ITGB3: variants seen among roughly 807,000 people sequenced by gnomAD.
ITGB3 encodes integrin subunit beta 3.
In ITGB3, 48 loss-of-function variants were observed where a neutral mutation model predicts 85.8. The observed-to-expected ratio is 0.56, with a 90% CI of 0.44 to 0.71. ITGB3 has a LOEUF of 0.71. Among genes scored for constraint, ITGB3 ranks in the 30% least tolerant of loss-of-function variants. The pLI, the probability that ITGB3 is intolerant of heterozygous loss-of-function variation, is 0.00. For missense variants in ITGB3, 861 were observed against 1,019.1 expected (o/e 0.84, Z 2.11); for synonymous variants, 363 against 395.6 (o/e 0.92, Z 0.98).
At chr17:47,256,915 G>T (rs111547093) in intron 1 of ITGB3, among the ~76,000 whole-genome samples, 4 of 152,146 alleles carry the variant, frequency 2.6e-5, no homozygotes, top group African/African-American at 9.7e-5. Context: ...CAGCAGGAAG[G>T]CTTGTTGGCT....
intron 1 of ITGB3, among the ~76,000 whole-genome samples, chr17:47,268,517 G>C (rs995467597): frequency 6.6e-6 from 1 of 152,148 alleles, no homozygotes; most frequent in African/African-American, 2.4e-5. Flanking sequence ...CAGGCTACTG[G>C]CCCCACGCAA....
At chr17:47,292,684 A>C (rs981257248) in intron 10 of ITGB3, 116 bp downstream of exon 10, 41 of 1,045,426 alleles carry the variant, frequency 3.9e-5, no homozygotes, top group South Asian at 2.8e-5. Flanking sequence ...GGTGTAAGTC[A>C]GTGGTTCCTA....
intron 4 of ITGB3, 85 bp downstream of exon 4, chr17:47,284,780 A>G (rs2065096897): frequency 1.3e-6 from 2 of 1,567,042 alleles, no homozygotes; most frequent in Non-Finnish European, 1.8e-6. Context: ...CTCTAGGATC[A>G]CTTTGTTGGC....
At chr17:47,284,725 C>A in intron 4 of ITGB3, 30 bp downstream of exon 4, 2 of 1,614,030 alleles carry the variant, frequency 1.2e-6, no homozygotes, top group Non-Finnish European at 1.7e-6. Flanking sequence ...GCCAGGACAG[C>A]ATCCTTTGCC....
chr17:47,272,275 T>C (rs1163502740), intron 1 of ITGB3, among the ~76,000 whole-genome samples: 2 of 151,186 alleles, frequency 1.3e-5, no homozygotes, highest in African/African-American at 4.9e-5. Context: ...AGGATAGTCT[T>C]GATCTCCTGA....
At chr17:47,286,830 A>C (rs2065104366) in intron 5 of ITGB3, among the ~76,000 whole-genome samples, 1 of 152,246 alleles carries the variant, frequency 6.6e-6, no homozygotes, top group South Asian at 2.1e-4. Context: ...GAGTTTAAGA[A>C]GATCTCATTC....
At chr17:47,277,626 T>A (rs887508063) in intron 2 of ITGB3, among the ~76,000 whole-genome samples, 1 of 152,190 alleles carries the variant, frequency 6.6e-6, no homozygotes, top group Non-Finnish European at 1.5e-5. Flanking sequence ...CCACTTAAAT[T>A]TGAATTAAAA....
Position 47,290,215 on chromosome 17 carries a change from G to A in ITGB3, c.1066G>A (p.Val356Ile), listed in dbSNP as rs1340187209. Reference sequence around the variant, plus strand: ...TAGTGAGCTCATCCCAGGGACCACAGTTGGGGTTCTGTCCATGGATTCCAG... The same window carrying A: ...TAGTGAGCTCATCCCAGGGACCACAATTGGGGTTCTGTCCATGGATTCCAG... ...NYSELIPGTT[V>I]GVLSMDSSNV... Residue 356 changes from valine to isoleucine, a missense_variant, in exon 8 of 15, where the codon GTT becomes ATT. Transcript: ENST00000559488. The A allele has an allele frequency of 1.2e-6, 2 of 1,614,004 alleles. No homozygotes were observed. Among genetic ancestry groups the A allele is most frequent in the African/African-American group, 2.7e-5 (2 of 74,926 alleles).
chr17:47,297,872 ACT>A (rs1833448710), intron 10 of ITGB3, among the ~76,000 whole-genome samples: 1 of 111,770 alleles, frequency 8.9e-6, no homozygotes, highest in African/African-American at 3.6e-5. Flanking sequence ...ATAGGGTGAG[ACT>A]CTGTCTCAAA....
At position 47,307,560 on chromosome 17, in the gene ITGB3, A is replaced by T; in HGVS notation, c.2224A>T (p.Lys742Ter). The change falls in exon 14 of 15, where the codon AAA becomes TAA. Residue 742 changes from lysine to a stop codon, truncating the protein, a stop_gained. Coordinates refer to ENST00000559488, the MANE Select transcript of ITGB3 (RefSeq NM_000212.3). LOFTEE classifies it high-confidence loss of function. The part of the protein sequence containing the change: ...LIGLAALLIW[K>*]LLITIHDRKE... The stretch of plus-strand genomic sequence containing the variant: ...TGGCCTTGCCGCCCTGCTCATCTGG[A>T]AACTCCTCATCACCATCCACGACCG... 1 of 1,614,162 alleles carries T rather than the reference A, an allele frequency of 6.2e-7. No homozygotes were observed. Among genetic ancestry groups the T allele is most frequent in the Non-Finnish European group, 8.5e-7 (1 of 1,180,030 alleles).
intron 5 of ITGB3, among the ~76,000 whole-genome samples, chr17:47,286,677 C>A (rs760054175): frequency 1.7e-4 from 26 of 152,216 alleles, no homozygotes; most frequent in Non-Finnish European, 3.7e-4. Flanking sequence ...TTCAGAGTTA[C>A]TTCAGAGTTA....
intron 1 of ITGB3, among the ~76,000 whole-genome samples, chr17:47,272,121 T>C (rs1423780935): frequency 2.8e-5 from 4 of 145,404 alleles, no homozygotes; most frequent in African/African-American, 1.0e-4. Context: ...AGTGACACTA[T>C]CTTGGCTCAC....
At chr17:47,306,044 T>C (rs1348820874) in intron 13 of ITGB3, among the ~76,000 whole-genome samples, 2 of 152,184 alleles carry the variant, frequency 1.3e-5, no homozygotes, top group East Asian at 1.9e-4. Context: ...AGATCATGTA[T>C]AAAAGTTAAG....
intron 8 of ITGB3, 57 bp from the exon 9 acceptor site, chr17:47,290,897 C>A: frequency 6.2e-7 from 1 of 1,606,616 alleles, no homozygotes; most frequent in South Asian, 1.1e-5. Flanking sequence ...TGGCTCTTGC[C>A]ATTTCCCGTT....
intron 13 of ITGB3, among the ~76,000 whole-genome samples, chr17:47,304,957 C>T (rs1446757190): frequency 3.3e-5 from 5 of 152,266 alleles, no homozygotes; most frequent in Middle Eastern, 3.4e-3. Context: ...ACCCAGACTT[C>T]TCTGACCTTG....
intron 1 of ITGB3, among the ~76,000 whole-genome samples, chr17:47,268,361 C>G (rs1350653934): frequency 6.6e-6 from 1 of 152,200 alleles, no homozygotes; most frequent in Non-Finnish European, 1.5e-5. Context: ...AAGTCCAAGT[C>G]CAAAGTCTTA....
At chr17:47,254,031 G>A (rs56221506) in intron 1 of ITGB3, 91 bp downstream of exon 1, 35,957 of 839,356 alleles carry the variant, frequency 0.043, 1,007 homozygotes, top group Middle Eastern at 0.11. Flanking sequence ...AACGCGGAGG[G>A]CTGGTCCCGC....
At chr17:47,278,131 G>GC (rs1294739513) in intron 2 of ITGB3, among the ~76,000 whole-genome samples, 22 of 152,078 alleles carry the variant, frequency 1.4e-4, no homozygotes, top group Admixed American at 1.4e-3. Context: ...TTTTCTCTTT[G>GC]CATGTTCAAG....
chr17:47,282,619 A>G (rs752330585), intron 2 of ITGB3, among the ~76,000 whole-genome samples: 12 of 152,148 alleles, frequency 7.9e-5, no homozygotes, highest in Admixed American at 1.3e-4. Context: ...GCCTTTCCCT[A>G]TCACATTTGT....
Sources: allele counts gnomAD v4.1 joint callset (sites outside exome capture counted in the v4.1 genomes callset), GRCh38; gene constraint gnomAD v4.1.1; transcripts MANE v1.5; gene names NCBI Gene and HGNC (gene_info 2026-07-23, HGNC 2026-07-21).